The following FREM1 variants were observed in gnomAD, a reference collection of about 807,000 sequenced individuals.
FREM1 encodes the protein FRAS1 related extracellular matrix 1.
A neutral mutation model predicts 210.1 loss-of-function variants in FREM1; 220 were observed. That is an observed-to-expected ratio of 1.05 (90% confidence interval 0.94 to 1.17). FREM1 has a LOEUF of 1.17. Ranked by LOEUF, FREM1 falls within the 50% of genes most tolerant of loss-of-function variation. FREM1 has a pLI of 0.00. For missense variants in FREM1, 3,454 were observed against 2,675.5 expected, an observed-to-expected ratio of 1.29 and a Z score of -6.42; for synonymous variants, 1,189 against 980.2, an observed-to-expected ratio of 1.21 and a Z score of -3.98.
chr9:14,809,302 G>C (rs1037858576), intron 16 of FREM1, among the ~76,000 whole-genome samples: 1 of 152,064 alleles, frequency 6.6e-6, no homozygotes, highest in Non-Finnish European at 1.5e-5. Context: ...GCCCAATTTC[G>C]GGTATGTCTT....
chr9:14,826,090 T>A (rs1468148124), intron 10 of FREM1, among the ~76,000 whole-genome samples: 1 of 138,062 alleles, frequency 7.2e-6, no homozygotes, highest in Non-Finnish European at 1.5e-5. Flanking sequence ...TATACACTCT[T>A]TCTCAACCTT....
chr9:14,892,557 G>C (rs1191021994), intron 1 of FREM1, among the ~76,000 whole-genome samples: 1 of 152,120 alleles, frequency 6.6e-6, no homozygotes, highest in Non-Finnish European at 1.5e-5. Flanking sequence ...GAACGGGTTT[G>C]GCACTATAGG....
intron 19 of FREM1, among the ~76,000 whole-genome samples, chr9:14,803,930 A>T (rs1563966461): frequency 6.6e-6 from 1 of 152,210 alleles, no homozygotes; most frequent in Non-Finnish European, 1.5e-5. Context: ...GCAACTTAAA[A>T]TATGTTATAA....
At chr9:14,788,492 A>T (rs1265167995) in intron 23 of FREM1, among the ~76,000 whole-genome samples, 1 of 152,192 alleles carries the variant, frequency 6.6e-6, no homozygotes, top group Non-Finnish European at 1.5e-5. Flanking sequence ...TTTAAATTTT[A>T]AAATGTATTT....
intron 31 of FREM1, 116 bp downstream of exon 31, chr9:14,748,285 C>T (rs1432674534): frequency 6.1e-6 from 4 of 656,226 alleles, no homozygotes; most frequent in Non-Finnish European, 1.1e-5. Flanking sequence ...ACCATGGCCC[C>T]CACTCACTAT....
At chr9:14,787,108 G>T (rs1033003783) in intron 23 of FREM1, among the ~76,000 whole-genome samples, 29 of 152,172 alleles carry the variant, frequency 1.9e-4, no homozygotes, top group African/African-American at 7.0e-4. Context: ...CAGTTGGGAA[G>T]CTTAATGTTA....
chr9:14,768,054 A>G (rs1846768715), intron 27 of FREM1, among the ~76,000 whole-genome samples: 2 of 152,196 alleles, frequency 1.3e-5, no homozygotes, highest in Non-Finnish European at 2.9e-5. Flanking sequence ...GAGTATATTT[A>G]AAAATATAAA....
intron 1 of FREM1, among the ~76,000 whole-genome samples, chr9:14,888,608 G>C (rs966821020): frequency 6.6e-6 from 1 of 152,146 alleles, no homozygotes; most frequent in Non-Finnish European, 1.5e-5. Flanking sequence ...CCAGGTTAAA[G>C]GTCTCAAGTC....
intron 35 of FREM1, among the ~76,000 whole-genome samples, chr9:14,743,276 T>C (rs182194431): frequency 8.3e-4 from 126 of 152,150 alleles, no homozygotes; most frequent in Non-Finnish European, 2.1e-4. Context: ...TATTCATAGA[T>C]ACGTGAAGAA....
intron 1 of FREM1, among the ~76,000 whole-genome samples, chr9:14,896,371 C>G (rs1837717731): frequency 6.6e-6 from 1 of 151,972 alleles, no homozygotes; most frequent in Non-Finnish European, 1.5e-5. Flanking sequence ...TGGTGAAACT[C>G]CATCTCTACT....
chr9:14,860,874 C>T lies in FREM1; in HGVS notation c.330-1390G>A, dbSNP rs967463226. On this transcript the variant is annotated intron_variant, in intron 3 of 36. Coordinates refer to ENST00000380880, the MANE Select transcript of FREM1 (RefSeq NM_001379081.2). ...ATACGTATATATACACATATATATA[C>T]GTATATATACACATATATACATATA... Among the ~76,000 whole-genome samples, 8 of 49,020 alleles carry T rather than the reference C, an allele frequency of 1.6e-4. 2 individuals carry two copies. In the East Asian group the frequency reaches 5.4e-3, roughly 33 times the overall value. The allele number at this position is 49,020 out of a possible 152,430, so 32.2% of individuals were successfully genotyped here. A position where few individuals can be genotyped will look rare whatever the true frequency, so the allele number is the denominator to read the frequency against.
intron 18 of FREM1, among the ~76,000 whole-genome samples, chr9:14,806,060 A>C (rs112896758): frequency 6.6e-6 from 1 of 152,120 alleles, no homozygotes; most frequent in Non-Finnish European, 1.5e-5. Context: ...CTGTGTTGCT[A>C]TGAGGGCCTT....
At chr9:14,873,731 G>T (rs1326894920) in intron 1 of FREM1, among the ~76,000 whole-genome samples, 1 of 152,006 alleles carries the variant, frequency 6.6e-6, no homozygotes, top group African/African-American at 2.4e-5. Flanking sequence ...GTTTGCTCTT[G>T]CTTTTCTAGT....
At chr9:14,819,564 T>C (rs1820905483) in intron 13 of FREM1, 122 bp from the exon 14 acceptor site, 3 of 617,498 alleles carry the variant, frequency 4.9e-6, no homozygotes, top group Non-Finnish European at 8.3e-6. Context: ...TTTTCAAGAA[T>C]GTGGTAAGAG....
At chr9:14,747,170 C>G in intron 33 of FREM1, 94 bp downstream of exon 33, 1 of 1,576,802 alleles carries the variant, frequency 6.3e-7, no homozygotes, top group South Asian at 1.1e-5. Flanking sequence ...AACTATCCCC[C>G]CAACCTTGGA....
intron 31 of FREM1, 49 bp downstream of exon 31, chr9:14,748,352 T>C (rs181877313): frequency 1.2e-4 from 121 of 1,038,760 alleles, no homozygotes; most frequent in Non-Finnish European, 1.6e-4. Flanking sequence ...CTTCTGATCC[T>C]TTTAATATGT....
At chr9:14,859,935 G>A (rs1277749745) in intron 3 of FREM1, among the ~76,000 whole-genome samples, 1 of 152,120 alleles carries the variant, frequency 6.6e-6, no homozygotes, top group African/African-American at 2.4e-5. Context: ...GCCTAGTTTG[G>A]GTGCCCAGCT....
chr9:14,755,610 C>T (rs1472697989), intron 29 of FREM1, among the ~76,000 whole-genome samples: 4 of 152,212 alleles, frequency 2.6e-5, no homozygotes, highest in Non-Finnish European at 5.9e-5. Context: ...GGCCGGGCTC[C>T]AGCCTCAGCT....
intron 1 of FREM1, among the ~76,000 whole-genome samples, chr9:14,877,720 T>A (rs997782070): frequency 2.3e-4 from 35 of 152,106 alleles, no homozygotes; most frequent in Non-Finnish European, 5.0e-4. Context: ...CTGAATGAGC[T>A]TGGAAGTGGC....
Sources: allele counts gnomAD v4.1 joint callset (sites outside exome capture counted in the v4.1 genomes callset), GRCh38; gene constraint gnomAD v4.1.1; transcripts MANE v1.5; gene names NCBI Gene and HGNC (gene_info 2026-07-23, HGNC 2026-07-21).